MAD1L1: variants seen among roughly 807,000 people sequenced by gnomAD.
MAD1L1 encodes the protein mitotic arrest deficient 1 like 1.
A neutral mutation model predicts 96.9 loss-of-function variants in MAD1L1; 95 were observed. The observed-to-expected ratio is 0.98, with a 90% CI of 0.83 to 1.16. The LOEUF is 1.16. Ranked by LOEUF, MAD1L1 falls within the 50% of genes most tolerant of loss-of-function variation. The pLI is 0.00. For missense variants in MAD1L1, 1,007 were observed against 954.4 expected, an observed-to-expected ratio of 1.06 and a Z score of -0.73; for synonymous variants, 473 against 396.6, an observed-to-expected ratio of 1.19 and a Z score of -2.29.
At chr7:1,915,959 G>A (rs1788361975) in intron 17 of MAD1L1, among the ~76,000 whole-genome samples, 1 of 152,218 alleles carries the variant, frequency 6.6e-6, no homozygotes, top group South Asian at 2.1e-4. Context: ...AAAGCATTGA[G>A]AAAATGATGA....
chr7:1,997,648 G>C (rs935495954), intron 14 of MAD1L1, among the ~76,000 whole-genome samples: 11 of 152,402 alleles, frequency 7.2e-5, no homozygotes, highest in African/African-American at 2.6e-4. Context: ...ATGACACTGA[G>C]GGCTCTGGGT....
In MAD1L1 at chr7:2,020,162, G is replaced by A. The variant is rs7798680; in HGVS notation, c.1219-5520C>T. On this transcript the variant is annotated intron_variant, in intron 12 of 18. Coordinates refer to ENST00000265854, the MANE Select transcript of MAD1L1 (RefSeq NM_001013836.2). ...CAAACAGAGGAGCCGCCCAGGCTGC[G>A]GCCCTACAGTCCCGGGGTCAGCGCC... 4.1e-3 allele frequency among the ~76,000 whole-genome samples: 630 copies of A among 152,314 alleles called. 8 individuals carry two copies. The highest frequency in any genetic ancestry group is 0.014 in the African/African-American group (594 of 41,574).
At chr7:2,011,308 C>T (rs113645067) in intron 13 of MAD1L1, among the ~76,000 whole-genome samples, 144 of 152,318 alleles carry the variant, frequency 9.5e-4, no homozygotes, top group Admixed American at 3.2e-3. Flanking sequence ...GGTGCAGCCA[C>T]CCTTGCCACA....
chr7:1,971,896 G>C (rs1780421927), intron 15 of MAD1L1, among the ~76,000 whole-genome samples: 1 of 152,178 alleles, frequency 6.6e-6, no homozygotes, highest in Non-Finnish European at 1.5e-5. Flanking sequence ...GGGAGCGCTG[G>C]AACTGCAGGG....
chr7:1,828,631 C>G (rs1322336660), intron 18 of MAD1L1, among the ~76,000 whole-genome samples: 2 of 152,200 alleles, frequency 1.3e-5, no homozygotes, highest in East Asian at 3.9e-4. Context: ...AACCGAGACC[C>G]AGAGAACCAG....
At chr7:2,176,944 G>A (rs1790976166) in intron 10 of MAD1L1, among the ~76,000 whole-genome samples, 1 of 152,218 alleles carries the variant, frequency 6.6e-6, no homozygotes, top group African/African-American at 2.4e-5. Context: ...GAGCTGTGTG[G>A]CCAGGGTTGT....
intron 18 of MAD1L1, among the ~76,000 whole-genome samples, chr7:1,827,151 G>A (rs193298103): frequency 0.014 from 2,097 of 152,342 alleles, 39 homozygotes; most frequent in African/African-American, 0.047. Flanking sequence ...TCCAAGGGCC[G>A]TGGAAGGGCA....
At chr7:1,856,463 G>A (rs909873229) in intron 18 of MAD1L1, among the ~76,000 whole-genome samples, 1 of 152,232 alleles carries the variant, frequency 6.6e-6, no homozygotes, top group Non-Finnish European at 1.5e-5. Context: ...AGCGCGCGGA[G>A]CACCGCCCAC....
intron 4 of MAD1L1, 69 bp from the exon 5 acceptor site, chr7:2,222,823 C>G: frequency 1.6e-6 from 2 of 1,276,278 alleles, no homozygotes; most frequent in Non-Finnish European, 1.1e-6. Context: ...CCCTCACCCC[C>G]ACACCTCTCT....
intron 10 of MAD1L1, among the ~76,000 whole-genome samples, chr7:2,189,493 C>T (rs1178862158): frequency 6.6e-6 from 1 of 152,198 alleles, no homozygotes; most frequent in Non-Finnish European, 1.5e-5. Flanking sequence ...GCACATGCCA[C>T]AACATGGATG....
intron 17 of MAD1L1, among the ~76,000 whole-genome samples, chr7:1,912,023 G>A (rs1346756502): frequency 2.6e-5 from 4 of 152,236 alleles, no homozygotes; most frequent in African/African-American, 9.6e-5. Context: ...ACACTTGTCG[G>A]GGGTCTGGGG....
chr7:2,108,746 G>A (rs1787220004), intron 11 of MAD1L1, among the ~76,000 whole-genome samples: 1 of 152,170 alleles, frequency 6.6e-6, no homozygotes. Context: ...TTTCAGAATG[G>A]GAGAAACAAA....
Position 1,929,682 on chromosome 7 carries a change from G to A in MAD1L1, c.1807+7005C>T, listed in dbSNP as rs62442911. On this transcript the variant is annotated intron_variant, in intron 17 of 18. Coordinates refer to ENST00000265854, the MANE Select transcript of MAD1L1 (RefSeq NM_001013836.2). ...GAAGCCGTGGCAAACACGAAAGGGA[G>A]CTCTTGACTCTGCAGCCCCGCTGCC... 2.4e-3 allele frequency among the ~76,000 whole-genome samples: 362 copies of A among 150,176 alleles called. 1 individual carries two copies. The highest frequency in any genetic ancestry group is 3.4e-3 in the Middle Eastern group (1 of 290).
chr7:1,854,384 C>G (rs1161361112), intron 18 of MAD1L1: 1 of 470,084 alleles, frequency 2.1e-6, no homozygotes, highest in East Asian at 6.6e-5. Context: ...CTGTATTGGT[C>G]CACTCGGCCG....
At chr7:2,079,048 C>A (rs1014552590) in intron 11 of MAD1L1, among the ~76,000 whole-genome samples, 1 of 152,052 alleles carries the variant, frequency 6.6e-6, no homozygotes, top group Non-Finnish European at 1.5e-5. Context: ...GGGGCTTGGC[C>A]GAGCCAGCGG....
chr7:1,823,145 G>A (rs1018862706), intron 18 of MAD1L1, among the ~76,000 whole-genome samples: 52 of 152,124 alleles, frequency 3.4e-4, no homozygotes, highest in African/African-American at 1.2e-3. Context: ...TCACAAAGGC[G>A]CTTCAGTGGA....
chr7:2,118,445 C>T (rs1044704186), intron 11 of MAD1L1, among the ~76,000 whole-genome samples: 65 of 152,260 alleles, frequency 4.3e-4, no homozygotes, highest in African/African-American at 1.5e-3. Flanking sequence ...GTGTCAGAGC[C>T]ACGGGAGCTT....
intron 10 of MAD1L1, among the ~76,000 whole-genome samples, chr7:2,179,822 T>C (rs1476271155): frequency 6.6e-6 from 1 of 151,740 alleles, no homozygotes; most frequent in Admixed American, 6.6e-5. Context: ...ATACAAAAAA[T>C]TAGCTGGGCG....
rs181278233 is a variant in MAD1L1 at position 1,824,956 on chromosome 7, C to T, written c.1999-8728G>A. ...AACCCTTCAAGTTCACACTGCAGCA[C>T]GACACACACTCTCACACCCACACTC... On this transcript the variant is annotated intron_variant, in intron 18 of 18. Transcript: ENST00000265854. Among the ~76,000 whole-genome samples the T allele has an allele frequency of 7.8e-3, 1,190 of 151,738 alleles. 14 individuals are homozygous for T. The highest frequency in any genetic ancestry group is 0.027 in the African/African-American group (1,115 of 41,366).
Sources: allele counts gnomAD v4.1 joint callset (sites outside exome capture counted in the v4.1 genomes callset), GRCh38; gene constraint gnomAD v4.1.1; transcripts MANE v1.5; gene names NCBI Gene and HGNC (gene_info 2026-07-23, HGNC 2026-07-21).